The following ANO5 variants were observed in gnomAD, a reference collection of about 807,000 sequenced individuals.
ANO5 encodes anoctamin 5, also known as anoctamin-5.
ANO5 carries 109 observed loss-of-function variants against 121.0 expected under a neutral mutation model. That is an observed-to-expected ratio of 0.90 (90% confidence interval 0.77 to 1.06). ANO5 has a LOEUF of 1.06. Among genes scored for constraint, ANO5 ranks in the 50% least tolerant of loss-of-function variants. The pLI is 0.00. For missense variants in ANO5, 1,064 were observed against 1,078.5 expected (o/e 0.99, Z 0.19); for synonymous variants, 406 against 359.9 (o/e 1.13, Z -1.45).
At chr11:22,230,768 G>A (rs1266109098) in intron 7 of ANO5, among the ~76,000 whole-genome samples, 1 of 151,714 alleles carries the variant, frequency 6.6e-6, no homozygotes, top group Non-Finnish European at 1.5e-5. Context: ...CTCCATTCAG[G>A]CATCAGCAAG....
At chr11:22,238,197 G>A (rs977799061) in intron 8 of ANO5, among the ~76,000 whole-genome samples, 1 of 151,548 alleles carries the variant, frequency 6.6e-6, no homozygotes, top group Non-Finnish European at 1.5e-5. Context: ...ATGGACGTTT[G>A]GTAAAGCAGA....
Position 22,272,850 on chromosome 11 carries a change from TAAA to T in ANO5, c.2097_2099del (p.Asn701del). On this transcript the variant is annotated inframe_deletion, in exon 19 of 22. Transcript: ENST00000324559. ...CCTTTGGCTCCTCTTCTTGCTCTCA[TAAA>T]TAATATTGTAGAGATTCGAGTGGAT... The T allele has an allele frequency of 6.2e-7, 1 of 1,614,144 alleles. No homozygotes were observed. Among genetic ancestry groups the T allele is most frequent in the Non-Finnish European group, 8.5e-7 (1 of 1,180,012 alleles).
chr11:22,272,840 C>G lies in ANO5; in HGVS notation c.2086C>G (p.Leu696Val). 3 of 1,614,134 alleles carry G rather than the reference C, an allele frequency of 1.9e-6. No individual in the cohort carries two copies. The highest frequency in any genetic ancestry group is 1.7e-6 in the Non-Finnish European group (2 of 1,180,028). ...FVASFPLAPL[L>V]ALINNIVEIR... Reference sequence around the variant, plus strand: ...GGCCTCTTTTCCTTTGGCTCCTCTTCTTGCTCTCATAAATAATATTGTAGA... The same window carrying G: ...GGCCTCTTTTCCTTTGGCTCCTCTTGTTGCTCTCATAAATAATATTGTAGA... Residue 696 changes from leucine to valine, a missense_variant, in exon 19 of 22, where the codon CTT (leucine) becomes GTT (valine). Coordinates refer to ENST00000324559, the MANE Select transcript of ANO5 (RefSeq NM_213599.3).
At chr11:22,264,403 A>AAGAT (rs1282416357) in intron 17 of ANO5, among the ~76,000 whole-genome samples, 1 of 151,874 alleles carries the variant, frequency 6.6e-6, no homozygotes, top group African/African-American at 2.4e-5. Context: ...AACCAAACAG[A>AAGAT]AGATGGGGGA....
intron 2 of ANO5, among the ~76,000 whole-genome samples, chr11:22,207,942 C>T (rs1852167736): frequency 6.6e-6 from 1 of 151,886 alleles, no homozygotes; most frequent in African/African-American, 2.4e-5. Context: ...TCAATATCAC[C>T]AGCCACTAAG....
chr11:22,259,452 T>C (rs1332226179), intron 14 of ANO5, 67 bp from the exon 15 acceptor site: 2 of 1,422,082 alleles, frequency 1.4e-6, no homozygotes, highest in East Asian at 2.3e-5. Context: ...ATAATCAATA[T>C]GTTAGATATA....
chr11:22,236,974 T>G (rs1853244718), intron 8 of ANO5, among the ~76,000 whole-genome samples: 1 of 152,310 alleles, frequency 6.6e-6, no homozygotes, highest in East Asian at 1.9e-4. Flanking sequence ...AACTTGGCCT[T>G]GGAACCAATA....
Position 22,280,012 on chromosome 11 carries a change from T to C in ANO5, c.*247T>C. 4.1e-6 allele frequency: 2 copies of C among 491,846 alleles called. No homozygotes were observed. Among genetic ancestry groups the C allele is most frequent in the Non-Finnish European group, 7.2e-6 (2 of 276,116 alleles). The allele number at this position is 491,846 out of a possible 1,614,324, so 30.5% of individuals were successfully genotyped here. A position where few individuals can be genotyped will look rare whatever the true frequency, so the allele number is the denominator to read the frequency against. ...TGTTTTCTGAGGTGCTGTAAATGAC[T>C]GTTGAAAGTGCAGGTAGAATCAGAA... On this transcript the variant is annotated 3_prime_UTR_variant, in exon 22 of 22. Transcript: ENST00000324559.
At chr11:22,275,812 G>A (rs1479250865) in intron 20 of ANO5, among the ~76,000 whole-genome samples, 1 of 151,778 alleles carries the variant, frequency 6.6e-6, no homozygotes, top group African/African-American at 2.4e-5. Flanking sequence ...AGTGGAAGCA[G>A]CAAATTTTGA....
At chr11:22,226,160 C>A in intron 6 of ANO5, 108 bp downstream of exon 6, 1 of 875,098 alleles carries the variant, frequency 1.1e-6, no homozygotes, top group Non-Finnish European at 1.9e-6. Flanking sequence ...TACAATAGCT[C>A]TTTTGGCTAC....
intron 3 of ANO5, among the ~76,000 whole-genome samples, chr11:22,213,328 C>G (rs1203187768): frequency 6.6e-6 from 1 of 151,872 alleles, no homozygotes; most frequent in Non-Finnish European, 1.5e-5. Flanking sequence ...TCTCCTCAGG[C>G]TCCTCTTGGT....
chr11:22,207,641 C>T (rs1852158242), intron 2 of ANO5, among the ~76,000 whole-genome samples: 1 of 151,848 alleles, frequency 6.6e-6, no homozygotes, highest in Admixed American at 6.6e-5. Flanking sequence ...GTCATATCTG[C>T]AAACAAAAAC....
Position 22,193,440 on chromosome 11 carries a change from T to G in ANO5, c.-53T>G. ...CTCAGATCTCCACGTCTGTCTCAGC[T>G]GCCCCTCTCCTGCTGCCTCTCAGGC... On this transcript the variant is annotated 5_prime_UTR_variant, in exon 1 of 22. Coordinates refer to ENST00000324559, the MANE Select transcript of ANO5 (RefSeq NM_213599.3). 1 of 1,586,836 alleles carries G rather than the reference T, an allele frequency of 6.3e-7. No homozygotes were observed.
intron 7 of ANO5, among the ~76,000 whole-genome samples, chr11:22,232,264 C>T (rs1339508060): frequency 1.3e-5 from 2 of 151,846 alleles, no homozygotes; most frequent in African/African-American, 4.8e-5. Flanking sequence ...TTAATTTGCA[C>T]TTCCCTGATG....
rs1020545722 is a variant in ANO5 at position 22,281,595 on chromosome 11, T to C, written c.*1830T>C. ...TTGGCTTGTCAAATCAGATTCTCCA[T>C]TGCTATAGTGTACAGTGCACACAGC... On this transcript the variant is annotated 3_prime_UTR_variant, in exon 22 of 22. Coordinates refer to ENST00000324559, the MANE Select transcript of ANO5 (RefSeq NM_213599.3). The C allele has an allele frequency of 6.6e-6, 1 of 152,092 alleles. No individual in the cohort carries two copies. Among genetic ancestry groups the C allele is most frequent in the Non-Finnish European group, 1.5e-5 (1 of 67,938 alleles). The allele number at this position is 152,092 out of a possible 1,614,324, so 9.4% of individuals were successfully genotyped here.
At chr11:22,241,967 C>T (rs992733695) in intron 9 of ANO5, among the ~76,000 whole-genome samples, 17 of 151,992 alleles carry the variant, frequency 1.1e-4, no homozygotes, top group Admixed American at 1.1e-3. Flanking sequence ...TTACCCAGGC[C>T]GATGTAGAGA....
intron 2 of ANO5, 74 bp from the exon 3 acceptor site, chr11:22,211,190 C>T: frequency 2.7e-6 from 4 of 1,496,090 alleles, no homozygotes; most frequent in African/African-American, 2.8e-5. Context: ...AGAGTTGTTA[C>T]TGAAACTTAA....
At chr11:22,279,423 C>T in intron 21 of ANO5, 121 bp from the exon 22 acceptor site, 1 of 798,150 alleles carries the variant, frequency 1.3e-6, no homozygotes. Flanking sequence ...TATCTTCTTC[C>T]TTGCCTTTCT....
intron 17 of ANO5, among the ~76,000 whole-genome samples, chr11:22,268,057 G>A (rs1854436258): frequency 6.6e-6 from 1 of 152,158 alleles, no homozygotes; most frequent in Non-Finnish European, 1.5e-5. Flanking sequence ...TGTGAATACA[G>A]TACTACAATC....
Sources: allele counts gnomAD v4.1 joint callset (sites outside exome capture counted in the v4.1 genomes callset), GRCh38; gene constraint gnomAD v4.1.1; transcripts MANE v1.5; gene names NCBI Gene and HGNC (gene_info 2026-07-23, HGNC 2026-07-21).